The following SNX18 variants were observed in gnomAD, a reference collection of about 807,000 sequenced individuals.
SNX18 encodes the protein sorting nexin-18.
Under a neutral mutation model 48.7 loss-of-function variants are expected in SNX18, and 35 were observed. That is an observed-to-expected ratio of 0.72 (90% confidence interval 0.55 to 0.95). SNX18 has a LOEUF of 0.95. Ranked by LOEUF, SNX18 falls within the 40% of genes least tolerant of loss-of-function variation. The pLI, the probability that SNX18 is intolerant of heterozygous loss-of-function variation, is 0.00. For synonymous variants in SNX18, 492 were observed against 384.7 expected, an observed-to-expected ratio of 1.28 and a Z score of -3.26; for missense variants, 824 against 871.0, an observed-to-expected ratio of 0.95 and a Z score of 0.68.
At chr5:54,532,319 CTT>C (rs57856245) in intron 1 of SNX18, among the ~76,000 whole-genome samples, 1 of 130,990 alleles carries the variant, frequency 7.6e-6, no homozygotes. Flanking sequence ...TTTTTTTTTT[CTT>C]TTTTTTTTTT....
the SNX18 span, among the ~76,000 whole-genome samples, chr5:54,622,276 A>T: frequency 6.6e-6 from 1 of 152,212 alleles, no homozygotes; most frequent in Non-Finnish European, 1.5e-5. Context: ...AGGTCGGAGG[A>T]TCACTTGAGC....
chr5:54,606,444 A>G, the SNX18 span, among the ~76,000 whole-genome samples: 1 of 152,162 alleles, frequency 6.6e-6, no homozygotes. Flanking sequence ...GGTCTTTATG[A>G]TAATGAAGAC....
the SNX18 span, among the ~76,000 whole-genome samples, chr5:54,578,492 G>T: frequency 6.6e-6 from 1 of 152,204 alleles, no homozygotes; most frequent in African/African-American, 2.4e-5. Flanking sequence ...CCCATGACGA[G>T]TCCAGCTACG....
chr5:54,526,030 T>A (rs1321363497), intron 1 of SNX18, among the ~76,000 whole-genome samples: 1 of 152,146 alleles, frequency 6.6e-6, no homozygotes, highest in Non-Finnish European at 1.5e-5. Context: ...TTCCCGGGTG[T>A]TCTGAAGCTG....
chr5:54,583,143 G>A, the SNX18 span, among the ~76,000 whole-genome samples: 3 of 152,148 alleles, frequency 2.0e-5, no homozygotes, highest in African/African-American at 7.2e-5. Context: ...ACTAGACTCT[G>A]TATGTTTGTT....
the SNX18 span, among the ~76,000 whole-genome samples, chr5:54,640,953 A>G: frequency 0.51 from 77,734 of 152,006 alleles, 20,006 homozygotes; most frequent in East Asian, 0.66. Context: ...CCAGATACTC[A>G]GGAAGCTAAC....
the SNX18 span, among the ~76,000 whole-genome samples, chr5:54,585,049 T>C: frequency 2.6e-5 from 4 of 152,092 alleles, no homozygotes; most frequent in Admixed American, 2.0e-4. Flanking sequence ...CCCAGCACTT[T>C]GGGAGGCTGA....
At chr5:54,598,692 TA>T in the SNX18 span, among the ~76,000 whole-genome samples, 1 of 152,186 alleles carries the variant, frequency 6.6e-6, no homozygotes, top group East Asian at 1.9e-4. Flanking sequence ...CCCTTTTTGT[TA>T]AAAAACTCTC....
the SNX18 span, among the ~76,000 whole-genome samples, chr5:54,601,788 T>C: frequency 1.3e-5 from 2 of 152,138 alleles, no homozygotes; most frequent in African/African-American, 4.8e-5. Flanking sequence ...TCACGTGAAC[T>C]GGGGTTTACG....
the SNX18 span, among the ~76,000 whole-genome samples, chr5:54,611,450 G>C: frequency 6.6e-6 from 1 of 151,982 alleles, no homozygotes; most frequent in Non-Finnish European, 1.5e-5. Flanking sequence ...CGGGTCCCAG[G>C]GTAGTCTGCT....
the SNX18 span, among the ~76,000 whole-genome samples, chr5:54,561,531 G>A: frequency 0.021 from 3,045 of 144,212 alleles, 126 homozygotes; most frequent in African/African-American, 0.077. Flanking sequence ...GTAGAGACAG[G>A]GTTTCTCCAT....
the SNX18 span, among the ~76,000 whole-genome samples, chr5:54,629,348 C>A: frequency 1.3e-5 from 2 of 152,180 alleles, no homozygotes; most frequent in Non-Finnish European, 2.9e-5. Flanking sequence ...TGCTGTCAGG[C>A]AAAATGCAAA....
intron 1 of SNX18, among the ~76,000 whole-genome samples, chr5:54,533,025 A>G (rs1212208137): frequency 3.3e-5 from 5 of 152,202 alleles, no homozygotes; most frequent in Non-Finnish European, 7.3e-5. Context: ...TTTACCTGAA[A>G]CAGACTAATG....
Position 54,519,572 on chromosome 5 carries a change from A to G in SNX18, c.1620A>G (p.Lys540=). ...ANFPDIIHVQ[K]GALTKVKESR... ...TCCCGGACATCATCCACGTTCAGAAAGGTAAAGCCTGGCCCTTAGAGCAGG... is the reference window on the plus strand; with the variant it reads ...TCCCGGACATCATCCACGTTCAGAAGGGTAAAGCCTGGCCCTTAGAGCAGG... The change falls in exon 1 of 2, where the codon AAA becomes AAG. Residue 540 remains lysine, a splice_region_variant and synonymous_variant. Coordinates refer to ENST00000381410, the MANE Select transcript of SNX18 (RefSeq NM_001102575.2). The G allele has an allele frequency of 6.2e-6, 10 of 1,614,212 alleles. No homozygotes were observed. The highest frequency in any genetic ancestry group is 7.6e-6 in the Non-Finnish European group (9 of 1,180,042).
At chr5:54,538,731 C>T (rs954132317) in intron 1 of SNX18, among the ~76,000 whole-genome samples, 1 of 152,168 alleles carries the variant, frequency 6.6e-6, no homozygotes, top group Non-Finnish European at 1.5e-5. Flanking sequence ...AACAGCCATT[C>T]GCTTCAATTC....
the SNX18 span, among the ~76,000 whole-genome samples, chr5:54,624,505 T>C: frequency 6.6e-6 from 1 of 152,190 alleles, no homozygotes; most frequent in Admixed American, 6.5e-5. Context: ...CAGTCCTCCA[T>C]GTAACATATC....
the SNX18 span, among the ~76,000 whole-genome samples, chr5:54,603,566 G>T: frequency 6.6e-6 from 1 of 152,110 alleles, no homozygotes; most frequent in Non-Finnish European, 1.5e-5. Context: ...TAATTTAAGA[G>T]ATTTTTCAGC....
the SNX18 span, among the ~76,000 whole-genome samples, chr5:54,642,983 A>G: frequency 1.3e-5 from 2 of 152,198 alleles, no homozygotes; most frequent in Non-Finnish European, 2.9e-5. Flanking sequence ...TTTGCCGGGC[A>G]TGGCCTTAGG....
At chr5:54,524,641 C>G (rs941835095) in intron 1 of SNX18, among the ~76,000 whole-genome samples, 1 of 152,114 alleles carries the variant, frequency 6.6e-6, no homozygotes, top group South Asian at 2.1e-4. Flanking sequence ...TTTAATTTGC[C>G]ATATATTTTT....
Sources: gnomAD v4.1 joint callset for allele counts (sites outside exome capture counted in the v4.1 genomes callset) on GRCh38, gnomAD v4.1.1 for gene constraint, MANE v1.5 for transcripts, NCBI Gene and HGNC (gene_info 2026-07-23, HGNC 2026-07-21) for gene names.